The following XDH variants were observed in gnomAD, a reference collection of about 807,000 sequenced individuals.
XDH encodes the protein xanthine dehydrogenase, also known as xanthine dehydrogenase/oxidase.
Under a neutral mutation model 156.1 loss-of-function variants are expected in XDH, and 138 were observed. The observed-to-expected ratio is 0.88, with a 90% confidence interval of 0.77 to 1.02. The LOEUF (loss-of-function observed/expected upper bound fraction) is 1.02, where lower values mean the gene tolerates loss of function less well. Ranked by LOEUF, XDH falls within the 50% of genes least tolerant of loss-of-function variation. The pLI is 0.00. For missense variants in XDH, 1,849 were observed against 1,684.9 expected, an observed-to-expected ratio of 1.10 and a Z score of -1.71; for synonymous variants, 669 against 625.7, an observed-to-expected ratio of 1.07 and a Z score of -1.03.
In XDH at chr2:31,381,694, G is replaced by A. The variant is rs1197137747; in HGVS notation, c.1071C>T (p.Pro357=). ...TGAACACGGGGTTGAGGTCGGAGAT[G>A]GGGCTGGCAGTGATGATGTTCCCTC... ...SVGGNIITAS[P]ISDLNPVFMA... is the part of the protein sequence containing the mutation. The change falls in exon 12 of 36, where the codon CCC becomes CCT. Residue 357 remains proline (P), a synonymous_variant. Coordinates refer to ENST00000379416, the MANE Select transcript of XDH (RefSeq NM_000379.4). 5 of 1,613,976 alleles carry A rather than the reference G, an allele frequency of 3.1e-6. No individual in the cohort carries two copies. The highest frequency in any genetic ancestry group is 1.3e-5 in the African/African-American group (1 of 75,022).
chr2:31,407,337 T>A (rs1387094574), intron 1 of XDH, among the ~76,000 whole-genome samples: 1 of 152,124 alleles, frequency 6.6e-6, no homozygotes. Flanking sequence ...CTCCCGGAGC[T>A]TGGTAGAGCA....
intron 15 of XDH, 25 bp from the exon 16 acceptor site, chr2:31,373,981 G>A (rs748845538): frequency 6.2e-7 from 1 of 1,604,604 alleles, no homozygotes; most frequent in Non-Finnish European, 8.5e-7. Context: ...AAACAGAGGT[G>A]ACCAGGATTA....
chr2:31,369,544 AAAT>A (rs928867131), intron 18 of XDH, among the ~76,000 whole-genome samples: 1 of 152,186 alleles, frequency 6.6e-6, no homozygotes, highest in Non-Finnish European at 1.5e-5. Context: ...CTTATGGCCC[AAAT>A]AAGCTATTGA....
rs867386644 is a variant in XDH at position 31,366,925 on chromosome 2, C to T, written c.2267G>A (p.Gly756Asp). ...AAAGAGCTCCATCTCCCCTGCCTCG[C>T]CTTTTGGAACAGCAATGGTGCAGTG... ...ETHCTIAVPK[G>D]EAGEMELFVS... is the part of the protein sequence containing the mutation. The change falls in exon 21 of 36, where the codon GGC (glycine) becomes GAC (aspartate). Residue 756 changes from glycine (G) to aspartate (D), a missense_variant. Transcript: ENST00000379416. 3 of 1,614,238 alleles carry T rather than the reference C, an allele frequency of 1.9e-6. No individual in the cohort carries two copies. The highest frequency in any genetic ancestry group is 2.7e-5 in the African/African-American group (2 of 75,064).
chr2:31,398,735 C>T (rs1383858798), intron 4 of XDH, 36 bp from the exon 5 acceptor site: 2 of 1,611,746 alleles, frequency 1.2e-6, no homozygotes, highest in Middle Eastern at 3.4e-4. Context: ...CCTGGGATGG[C>T]AGAACCCTCC....
intron 9 of XDH, chr2:31,384,400 A>G (rs1284143625): frequency 1.3e-5 from 2 of 155,306 alleles, no homozygotes; most frequent in African/African-American, 4.8e-5. Flanking sequence ...AAAAACATGA[A>G]AGTTTAACAT....
chr2:31,412,590 C>A (rs1473664798), intron 1 of XDH, among the ~76,000 whole-genome samples: 1 of 151,966 alleles, frequency 6.6e-6, no homozygotes, highest in Admixed American at 6.5e-5. Flanking sequence ...ATGTAACAAG[C>A]CTGCACGTTG....
At chr2:31,414,065 GA>G (rs1021542118) in intron 1 of XDH, among the ~76,000 whole-genome samples, 13 of 150,872 alleles carry the variant, frequency 8.6e-5, no homozygotes, top group African/African-American at 2.9e-4. Context: ...TGCCCTTTAT[GA>G]AAAAAAAATT....
At chr2:31,413,724 G>A (rs1482092496) in intron 1 of XDH, among the ~76,000 whole-genome samples, 2 of 152,098 alleles carry the variant, frequency 1.3e-5, no homozygotes, top group Non-Finnish European at 2.9e-5. Flanking sequence ...CATTCATCAC[G>A]CACAGTCCAC....
intron 32 of XDH, among the ~76,000 whole-genome samples, 177 bp downstream of exon 32, chr2:31,342,006 A>G (rs1204199277): frequency 6.6e-6 from 1 of 152,182 alleles, no homozygotes; most frequent in Non-Finnish European, 1.5e-5. Context: ...CAGAGACTGT[A>G]TGGCCCACGA....
At chr2:31,402,398 T>C (rs1687084002) in intron 3 of XDH, among the ~76,000 whole-genome samples, 1 of 152,126 alleles carries the variant, frequency 6.6e-6, no homozygotes, top group Non-Finnish European at 1.5e-5. Flanking sequence ...ACTGTTGTTT[T>C]CTCAAATAAA....
At chr2:31,372,620 C>A (rs978699195) in intron 16 of XDH, among the ~76,000 whole-genome samples, 2 of 152,208 alleles carry the variant, frequency 1.3e-5, no homozygotes, top group African/African-American at 4.8e-5. Context: ...AAAGAAGAAC[C>A]TACATTTCCA....
Position 31,350,147 on chromosome 2 carries a change from T to G in XDH, c.2708A>C (p.Lys903Thr). The part of the protein sequence containing the change: ...PNIRGTGRLC[K>T]TNLPSNTAFR... ...GGCCGTGTTGGAGGGAAGGTTGGTT[T>G]TGCACAGCCGCCCAGTGCCCCGGAT... The change falls in exon 25 of 36, where the codon AAA becomes ACA. Residue 903 changes from lysine (K) to threonine (T), a missense_variant. Transcript: ENST00000379416. The G allele has an allele frequency of 6.2e-7, 1 of 1,614,202 alleles. No individual in the cohort carries two copies. The highest frequency in any genetic ancestry group is 8.5e-7 in the Non-Finnish European group (1 of 1,180,044).
Position 31,339,492 on chromosome 2 carries a change from C to T in XDH, c.3771G>A (p.Ser1257=), listed in dbSNP as rs45594136. 3.6e-4 allele frequency: 587 copies of T among 1,614,040 alleles called. 4 individuals carry two copies. The East Asian group carries it at 7.2e-3, about 20-fold the overall frequency. ...CACAGAGCCAGAGCAATGGTACCTT[C>T]GATGCATAGATGGCCTTCTTGTTGG... ...DCPNKKAIYA[S]KAVGEPPLFL... The change falls in exon 34 of 36, where the codon TCG becomes TCA. Residue 1257 remains serine (S), a synonymous_variant. Transcript: ENST00000379416.
At chr2:31,400,236 C>CT (rs34200607) in intron 4 of XDH, among the ~76,000 whole-genome samples, 8,557 of 124,648 alleles carry the variant, frequency 0.069, 478 homozygotes, top group East Asian at 0.14. Context: ...CTGGTAACTT[C>CT]TTTTTTTTTT....
chr2:31,341,178 A>C, intron 33 of XDH, 151 bp downstream of exon 33: 2 of 848,186 alleles, frequency 2.4e-6, no homozygotes, highest in South Asian at 2.9e-5. Flanking sequence ...TCACCAATCT[A>C]AATTCTACTT....
At chr2:31,397,639 G>C (rs770646456) in intron 6 of XDH, 29 bp downstream of exon 6, 1 of 1,613,988 alleles carries the variant, frequency 6.2e-7, no homozygotes, top group South Asian at 1.1e-5. Flanking sequence ...TAGAAGCAGA[G>C]ACACTGATGT....
intron 9 of XDH, 38 bp downstream of exon 9, chr2:31,386,376 C>A: frequency 6.2e-7 from 1 of 1,607,278 alleles, no homozygotes; most frequent in Non-Finnish European, 8.5e-7. Context: ...CACCCCCAGA[C>A]CCCCTGGCAG....
At position 31,405,974 on chromosome 2, in the gene XDH, T is replaced by C. The variant is rs1326176653; in HGVS notation, c.43-10A>G. On this transcript the variant is annotated splice_polypyrimidine_tract_variant and intron_variant, in intron 1 of 35. Transcript: ENST00000379416. ...CATTTTTCTCCACCACCTATTAAAA[T>C]AAATGAAAGAAAAATATATCATAGG... 1.2e-6 allele frequency: 2 copies of C among 1,613,838 alleles called. No homozygotes were observed. Among genetic ancestry groups the C allele is most frequent in the African/African-American group, 1.3e-5 (1 of 74,896 alleles).
Sources: allele counts gnomAD v4.1 joint callset (sites outside exome capture counted in the v4.1 genomes callset), GRCh38; gene constraint gnomAD v4.1.1; transcripts MANE v1.5; gene names NCBI Gene and HGNC (gene_info 2026-07-23, HGNC 2026-07-21).